Variants in CCSER1 observed in about 807,000 individuals in gnomAD.
CCSER1 encodes the protein coiled-coil serine rich protein 1.
Under a neutral mutation model 82.0 loss-of-function variants are expected in CCSER1, and 41 were observed. That is an observed-to-expected ratio of 0.50 (90% CI 0.39 to 0.65). The LOEUF (loss-of-function observed/expected upper bound fraction) is 0.65. CCSER1 is among the 30% of genes least tolerant of loss of function. CCSER1 has a pLI of 0.00. For missense variants in CCSER1, 1,119 were observed against 1,064.2 expected (o/e 1.05, Z -0.72); for synonymous variants, 414 against 383.9 (o/e 1.08, Z -0.92).
At chr4:91,226,861 A>G (rs192470057) in intron 10 of CCSER1, among the ~76,000 whole-genome samples, 15 of 151,978 alleles carry the variant, frequency 9.9e-5, no homozygotes, top group Admixed American at 6.6e-4. Context: ...TTCAGTTTGA[A>G]TATCACTTCA....
At chr4:91,138,933 G>T (rs558774211) in intron 10 of CCSER1, among the ~76,000 whole-genome samples, 1 of 152,094 alleles carries the variant, frequency 6.6e-6, no homozygotes, top group South Asian at 2.1e-4. Context: ...TTGTTACATG[G>T]GCATATGGCA....
chr4:90,428,143 A>T (rs912527088), intron 4 of CCSER1, among the ~76,000 whole-genome samples: 1 of 151,922 alleles, frequency 6.6e-6, no homozygotes, highest in Non-Finnish European at 1.5e-5. Flanking sequence ...TTAGCCTATT[A>T]TGAAAAATGC....
chr4:90,128,648 C>A (rs1365904886), intron 1 of CCSER1, among the ~76,000 whole-genome samples: 3 of 152,054 alleles, frequency 2.0e-5, no homozygotes, highest in Middle Eastern at 6.3e-3. Context: ...CTCGTACACA[C>A]GGTGCCAGCA....
At chr4:91,407,592 T>C (rs543650618) in intron 10 of CCSER1, among the ~76,000 whole-genome samples, 31 of 152,322 alleles carry the variant, frequency 2.0e-4, no homozygotes, top group Admixed American at 1.8e-3. Context: ...TTGTACAGGC[T>C]ATACAAGAAG....
intron 10 of CCSER1, among the ~76,000 whole-genome samples, chr4:91,229,877 T>A (rs1332379212): frequency 6.6e-6 from 1 of 151,982 alleles, no homozygotes; most frequent in African/African-American, 2.4e-5. Context: ...ACAAAATACC[T>A]AATGCACACA....
chr4:91,151,444 A>C (rs762023979), intron 10 of CCSER1, among the ~76,000 whole-genome samples: 1 of 151,794 alleles, frequency 6.6e-6, no homozygotes, highest in Non-Finnish European at 1.5e-5. Flanking sequence ...TGATTTTTTG[A>C]AGGGTTTCTT....
chr4:90,142,522 A>G (rs1263571120), intron 1 of CCSER1, among the ~76,000 whole-genome samples: 1 of 152,208 alleles, frequency 6.6e-6, no homozygotes, highest in Non-Finnish European at 1.5e-5. Flanking sequence ...TTCCCCAAGC[A>G]TAATCATATT....
Position 90,188,644 on chromosome 4 carries a change from C to T in CCSER1, c.-42+60813C>T, listed in dbSNP as rs182707485. Among the ~76,000 whole-genome samples, 267 of 152,018 alleles carry T rather than the reference C, an allele frequency of 1.8e-3. 2 individuals are homozygous for T. In the Middle Eastern group the frequency reaches 0.024, roughly 14 times the overall value. On this transcript the variant is annotated intron_variant, in intron 1 of 10. Transcript: ENST00000509176. ...TGAAATGTTAATATTACTCCATTAG[C>T]TCCTTCTTAATATCTTATCCTGAGA...
chr4:91,414,642 A>T (rs1004615984), intron 10 of CCSER1, among the ~76,000 whole-genome samples: 1 of 152,168 alleles, frequency 6.6e-6, no homozygotes, highest in African/African-American at 2.4e-5. Flanking sequence ...ATTTTACAGT[A>T]GAAATCCAAC....
chr4:90,176,898 GCAAGT>G (rs1732794307), intron 1 of CCSER1, among the ~76,000 whole-genome samples: 1 of 152,016 alleles, frequency 6.6e-6, no homozygotes, highest in South Asian at 2.1e-4. Context: ...TTAGGCTGTT[GCAAGT>G]CATATTCCCC....
At position 91,282,342 on chromosome 4, in the gene CCSER1, T is replaced by C. The variant is rs182450693; in HGVS notation, c.2217+196348T>C. 1.6e-3 allele frequency among the ~76,000 whole-genome samples: 239 copies of C among 152,266 alleles called. 1 individual carries two copies. Among genetic ancestry groups the C allele is most frequent in the African/African-American group, 5.3e-3 (219 of 41,560 alleles). ...GCCCTTAGACTCAAAGTAGTAAACA[T>C]TAGTCTATTCAAGATTCTGTCTTAT... On this transcript the variant is annotated intron_variant, in intron 10 of 10. Transcript: ENST00000509176.
At chr4:91,505,260 A>G (rs1043778727) in intron 10 of CCSER1, among the ~76,000 whole-genome samples, 13 of 152,212 alleles carry the variant, frequency 8.5e-5, no homozygotes, top group African/African-American at 2.2e-4. Context: ...ATCCCTGCAA[A>G]GGAAATGATC....
At chr4:90,914,366 A>G (rs185243556) in intron 8 of CCSER1, among the ~76,000 whole-genome samples, 2,107 of 152,300 alleles carry the variant, frequency 0.014, 22 homozygotes, top group Non-Finnish European at 0.023. Flanking sequence ...AACTACATGG[A>G]AACTGAACAA....
chr4:90,177,947 T>C (rs1733012979), intron 1 of CCSER1, among the ~76,000 whole-genome samples: 1 of 152,056 alleles, frequency 6.6e-6, no homozygotes. Flanking sequence ...AGTGCCCACA[T>C]GATACTCAGA....
intron 1 of CCSER1, 45 bp from the exon 2 acceptor site, chr4:90,308,199 A>T: frequency 7.7e-7 from 1 of 1,295,270 alleles, no homozygotes; most frequent in African/African-American, 1.5e-5. Context: ...TATTATTTGT[A>T]GTTGAATTCT....
intron 10 of CCSER1, among the ~76,000 whole-genome samples, chr4:91,594,434 TAC>T (rs759084782): frequency 2.8e-4 from 41 of 148,386 alleles, no homozygotes; most frequent in Middle Eastern, 3.6e-3. Context: ...TATATACATA[TAC>T]ACACATATAT....
chr4:90,533,457 G>A (rs540336948), intron 5 of CCSER1, among the ~76,000 whole-genome samples: 1 of 152,162 alleles, frequency 6.6e-6, no homozygotes, highest in Non-Finnish European at 1.5e-5. Flanking sequence ...TCTCTGATCA[G>A]ATGGACTCTA....
At chr4:90,865,812 G>T (rs766772599) in intron 8 of CCSER1, among the ~76,000 whole-genome samples, 9 of 151,838 alleles carry the variant, frequency 5.9e-5, no homozygotes, top group Non-Finnish European at 1.2e-4. Context: ...GTCCATGCTT[G>T]CACTGCTATA....
At chr4:90,504,301 G>T (rs1457081212) in intron 5 of CCSER1, among the ~76,000 whole-genome samples, 2 of 151,898 alleles carry the variant, frequency 1.3e-5, no homozygotes, top group Admixed American at 6.6e-5. Flanking sequence ...AGCCTGTTTG[G>T]CACTCTGTAG....
Sources: allele counts gnomAD v4.1 joint callset (sites outside exome capture counted in the v4.1 genomes callset), GRCh38; gene constraint gnomAD v4.1.1; transcripts MANE v1.5; gene names NCBI Gene and HGNC (gene_info 2026-07-23, HGNC 2026-07-21).